SAGE1: variants seen among roughly 807,000 people sequenced by gnomAD.
SAGE1 encodes the protein cancer/testis antigen 14.
In SAGE1, 55 loss-of-function variants were observed where a neutral mutation model predicts 55.4. The ratio of observed to expected loss-of-function variants is 0.99; its 90% CI spans 0.80 to 1.24. SAGE1 has a LOEUF of 1.24. Ranked by LOEUF, SAGE1 falls within the 50% of genes most tolerant of loss-of-function variation. SAGE1 has a pLI of 0.00. For synonymous variants in SAGE1, 240 were observed against 244.3 expected, an observed-to-expected ratio of 0.98 and a Z score of 0.17; for missense variants, 710 against 704.4, an observed-to-expected ratio of 1.01 and a Z score of -0.09.
intron 18 of SAGE1, 86 bp from the exon 19 acceptor site, chrX:135,912,235 T>C: frequency 8.9e-7 from 1 of 1,129,713 alleles, no homozygotes; most frequent in Non-Finnish European, 1.2e-6. Flanking sequence ...CCATGAAAAA[T>C]GTATACTGTG....
chrX:135,895,064 G>A (rs1459457093), intron 1 of SAGE1, among the ~76,000 whole-genome samples: 1 of 111,097 alleles, frequency 9.0e-6, no homozygotes, highest in Non-Finnish European at 1.9e-5. Flanking sequence ...TCCTCTTTGT[G>A]CTTTATCTCT....
intron 12 of SAGE1, 75 bp downstream of exon 12, chrX:135,908,692 T>G: frequency 1.9e-6 from 2 of 1,073,869 alleles, no homozygotes; most frequent in East Asian, 3.0e-5. Flanking sequence ...GGAAGAAGGT[T>G]GTTTTGTGAA....
chrX:135,899,908 T>C (rs1350799700), intron 2 of SAGE1, among the ~76,000 whole-genome samples: 1 of 110,851 alleles, frequency 9.0e-6, no homozygotes, highest in Non-Finnish European at 1.9e-5. Context: ...GACAACGGGA[T>C]TTTCTAGATA....
At chrX:135,912,114 T>C (rs1192975393) in intron 18 of SAGE1, 161 bp downstream of exon 18, 3 of 1,095,399 alleles carry the variant, frequency 2.7e-6, no homozygotes, top group East Asian at 3.3e-5. Context: ...ATTGCTAATA[T>C]GTCTGCTTAA....
rs782813018 is a variant in SAGE1, at chrX:135,906,980, A to T, written c.791A>T (p.Gln264Leu). ...GAGAAGATGGAAAAGGGCCAACCCC[A>T]ACCTGATAACATCTTGTCAACTGCT... ...PEEKMEKGQP[Q>L]PDNILSTAST... Residue 264 changes from glutamine to leucine, a missense_variant, in exon 8 of 20, where the codon CAA becomes CTA. Transcript: ENST00000370709. 1 of 1,210,290 alleles carries T rather than the reference A, an allele frequency of 8.3e-7. No homozygotes were observed. Among genetic ancestry groups the T allele is most frequent in the Non-Finnish European group, 1.1e-6 (1 of 894,120 alleles).
intron 2 of SAGE1, among the ~76,000 whole-genome samples, chrX:135,896,788 G>A (rs1199025285): frequency 5.4e-5 from 6 of 110,503 alleles, no homozygotes; most frequent in African/African-American, 2.0e-4. Context: ...TCGAACTCCC[G>A]ACCTCAGGTG....
In SAGE1 at chrX:135,901,626, A is replaced by T. The variant is rs782737439; in HGVS notation, c.155A>T (p.Lys52Ile). 6 of 1,208,595 alleles carry T rather than the reference A, an allele frequency of 5.0e-6. No homozygotes were observed. Among genetic ancestry groups the T allele is most frequent in the Middle Eastern group, 2.3e-4 (1 of 4,341 alleles). ...GHQSKKKHSR[K>I]SKRHSSSKRR... ...CAAAGCAAAAAGAAACATTCCAGAA[A>T]ATCCAAGAGACACTCTTCATCTAAG... The change falls in exon 3 of 20, where the codon AAA (lysine) becomes ATA (isoleucine). Residue 52 changes from lysine to isoleucine, a missense_variant. Coordinates refer to ENST00000370709, the MANE Select transcript of SAGE1 (RefSeq NM_001381902.1).
chrX:135,900,017 C>T (rs1223720633), intron 2 of SAGE1, among the ~76,000 whole-genome samples: 1 of 110,792 alleles, frequency 9.0e-6, no homozygotes, highest in Non-Finnish European at 1.9e-5. Context: ...CTGGACAGAA[C>T]GTGTAATACT....
chrX:135,907,113 G>A (rs1293284694), intron 8 of SAGE1, 47 bp downstream of exon 8: 14 of 1,152,707 alleles, frequency 1.2e-5, no homozygotes, highest in African/African-American at 1.8e-5. Flanking sequence ...TTCCATATAC[G>A]TGCATATTGT....
rs868966340 is a variant in SAGE1 at position 135,908,860 on chromosome X, C to T, written c.1442-4C>T. The T allele has an allele frequency of 1.7e-6, 2 of 1,208,921 alleles. No homozygotes were observed. Among genetic ancestry groups the T allele is most frequent in the Non-Finnish European group, 2.2e-6 (2 of 893,920 alleles). On this transcript the variant is annotated splice_region_variant and splice_polypyrimidine_tract_variant and intron_variant, in intron 12 of 19. Transcript: ENST00000370709. ...ACAGCTTGACCTCTCCCTTTGGTTTCCAGATGCTACCATTACTCACAGTGT... is the reference window on the plus strand; with the variant it reads ...ACAGCTTGACCTCTCCCTTTGGTTTTCAGATGCTACCATTACTCACAGTGT...
intron 1 of SAGE1, among the ~76,000 whole-genome samples, chrX:135,894,987 A>AGTTTGTTTGTTT (rs67350402): frequency 1.0e-3 from 107 of 105,364 alleles, no homozygotes; most frequent in Admixed American, 1.1e-3. Flanking sequence ...AAATCCCACA[A>AGTTTGTTTGTTT]GTTTGTTTGT....
At position 135,910,190 on chromosome X, in the gene SAGE1, G is replaced by T. The variant is rs782527508; in HGVS notation, c.1864+20G>T. 7.6e-6 allele frequency: 9 copies of T among 1,187,864 alleles called. No individual in the cohort carries two copies. The East Asian group carries it at 1.2e-4, about 16-fold the overall frequency. On this transcript the variant is annotated intron_variant, in intron 15 of 19. Transcript: ENST00000370709. Reference sequence around the variant, plus strand: ...ATCAGTGTAAGTTTATTCACTTGTTGTACTGTCATACTTGGTTTCCATATG... The same window carrying T: ...ATCAGTGTAAGTTTATTCACTTGTTTTACTGTCATACTTGGTTTCCATATG...
chrX:135,912,386 G>A lies in SAGE1; in HGVS notation c.2587G>A (p.Val863Ile). ...ATCTATGAAAGTCAAGAGACAATTT[G>A]TTGAATTTACCATCAAGGAAGCAGC... ...QGSMKVKRQF[V>I]EFTIKEAARF... Residue 863 changes from valine to isoleucine, a missense_variant, in exon 19 of 20, where the codon GTT (valine) becomes ATT (isoleucine). Coordinates refer to ENST00000370709, the MANE Select transcript of SAGE1 (RefSeq NM_001381902.1). 1 of 1,206,057 alleles carries A rather than the reference G, an allele frequency of 8.3e-7. No homozygotes were observed. The highest frequency in any genetic ancestry group is 1.1e-6 in the Non-Finnish European group (1 of 893,650).
rs2148098184 is a variant in SAGE1 at position 135,911,562 on chromosome X, T to C, written c.2147-17T>C. On this transcript the variant is annotated splice_polypyrimidine_tract_variant and intron_variant, in intron 17 of 19. Transcript: ENST00000370709. ...ATGCACTTATCTCACAGCTCAATTT[T>C]TTCATTTGGATTCCAGATGCTACTG... 2.6e-6 allele frequency: 3 copies of C among 1,154,442 alleles called. No homozygotes were observed. The East Asian group carries it at 9.0e-5, about 34-fold the overall frequency.
intron 13 of SAGE1, 100 bp from the exon 14 acceptor site, chrX:135,909,537 GTT>G: frequency 2.3e-6 from 2 of 868,559 alleles, no homozygotes; most frequent in Non-Finnish European, 3.2e-6. Flanking sequence ...AGCCTCCTGT[GTT>G]ATGGAACAAT....
At chrX:135,900,772 T>C (rs1235780792) in intron 2 of SAGE1, among the ~76,000 whole-genome samples, 2 of 11,872 alleles carry the variant, frequency 1.7e-4, no homozygotes, top group Non-Finnish European at 3.3e-4. Context: ...AAATTTATCT[T>C]TTCAATCTAT....
chrX:135,902,645 C>T (rs1156750714), intron 3 of SAGE1, among the ~76,000 whole-genome samples: 1 of 112,182 alleles, frequency 8.9e-6, no homozygotes, highest in Non-Finnish European at 1.9e-5. Context: ...TGGCAGCACT[C>T]AGCTCTCATG....
In SAGE1 at chrX:135,909,634, TC is replaced by T; in HGVS notation, c.1583-3del. 8.4e-7 allele frequency: 1 copy of T among 1,196,449 alleles called. No homozygotes were observed. The highest frequency in any genetic ancestry group is 1.1e-6 in the Non-Finnish European group (1 of 888,027). On this transcript the variant is annotated splice_region_variant and splice_polypyrimidine_tract_variant and intron_variant, in intron 13 of 19. Transcript: ENST00000370709. ...CACAAGTCAACCTCTTTATTTGGTT[TC>T]CAGATGCTACCGTCACTCAAAATGT...
At chrX:135,900,629 C>T (rs1221860193) in intron 2 of SAGE1, among the ~76,000 whole-genome samples, 1 of 110,763 alleles carries the variant, frequency 9.0e-6, no homozygotes, top group East Asian at 2.8e-4. Flanking sequence ...TTGATGAAAA[C>T]AGCTTTTAGT....
Sources: gnomAD v4.1 joint callset for allele counts (sites outside exome capture counted in the v4.1 genomes callset) on GRCh38, gnomAD v4.1.1 for gene constraint, MANE v1.5 for transcripts, NCBI Gene and HGNC (gene_info 2026-07-23, HGNC 2026-07-21) for gene names.